ZRANB1: variants seen among roughly 807,000 people sequenced by gnomAD.
ZRANB1 encodes the protein zinc finger RANBP2-type containing 1.
Under a neutral mutation model 80.5 loss-of-function variants are expected in ZRANB1, and 16 were observed. The ratio of observed to expected loss-of-function variants is 0.20; its 90% CI spans 0.13 to 0.30. The LOEUF (loss-of-function observed/expected upper bound fraction) is 0.30. ZRANB1 is among the 10% of genes least tolerant of loss of function. ZRANB1 has a pLI of 1.00. For synonymous variants in ZRANB1, 291 were observed against 293.1 expected (o/e 0.99, Z 0.07); for missense variants, 576 against 862.6 (o/e 0.67, Z 4.16).
At chr10:124,958,031 G>T (rs1324184092) in intron 1 of ZRANB1, among the ~76,000 whole-genome samples, 2 of 152,180 alleles carry the variant, frequency 1.3e-5, no homozygotes, top group East Asian at 3.8e-4. Flanking sequence ...CGCCTAGCCA[G>T]AATTTCCTTC....
At chr10:124,964,583 A>G (rs542919785) in intron 1 of ZRANB1, among the ~76,000 whole-genome samples, 21 of 152,310 alleles carry the variant, frequency 1.4e-4, no homozygotes, top group Admixed American at 5.9e-4. Context: ...ACACCTACAT[A>G]CATGCATACA....
the ZRANB1 span, among the ~76,000 whole-genome samples, chr10:124,927,177 G>A: frequency 6.6e-6 from 1 of 151,968 alleles, no homozygotes; most frequent in Non-Finnish European, 1.5e-5. Context: ...GAATGGTCTC[G>A]ATCTCCTGAT....
chr10:124,961,435 C>T (rs982027614), intron 1 of ZRANB1, among the ~76,000 whole-genome samples: 1 of 152,256 alleles, frequency 6.6e-6, no homozygotes, highest in African/African-American at 2.4e-5. Context: ...CATCTCTGAT[C>T]ACTTGTCCCA....
intron 5 of ZRANB1, among the ~76,000 whole-genome samples, chr10:124,975,656 C>T (rs1210160138): frequency 6.6e-6 from 1 of 152,184 alleles, no homozygotes; most frequent in Admixed American, 6.5e-5. Context: ...GCATGAGCCA[C>T]CGTGCCCGGC....
chr10:124,969,630 T>C (rs1951804696), intron 2 of ZRANB1, among the ~76,000 whole-genome samples: 1 of 152,076 alleles, frequency 6.6e-6, no homozygotes. Flanking sequence ...AAGAAGTAAA[T>C]GAGATTACAA....
At chr10:124,960,032 T>C (rs1474978292) in intron 1 of ZRANB1, among the ~76,000 whole-genome samples, 5 of 152,190 alleles carry the variant, frequency 3.3e-5, no homozygotes, top group Non-Finnish European at 7.3e-5. Flanking sequence ...GATTTTTGGT[T>C]TGGACATCTG....
chr10:124,979,265 T>C (rs1038459923), intron 5 of ZRANB1, among the ~76,000 whole-genome samples: 4 of 152,212 alleles, frequency 2.6e-5, no homozygotes, highest in Admixed American at 6.5e-5. Flanking sequence ...TGATTTTGAT[T>C]TGCATTTCCC....
chr10:124,919,914 C>A, the ZRANB1 span, among the ~76,000 whole-genome samples: 112 of 117,548 alleles, frequency 9.5e-4, 1 homozygote, highest in Non-Finnish European at 1.6e-3. Context: ...CCCGGCCCCC[C>A]CCCCCCCTTT....
chr10:124,926,755 G>C, the ZRANB1 span, among the ~76,000 whole-genome samples: 1 of 152,082 alleles, frequency 6.6e-6, no homozygotes, highest in Non-Finnish European at 1.5e-5. Context: ...GCTACACATA[G>C]CTAGACTGCC....
At chr10:124,938,754 T>C (rs1026028193), upstream of ZRANB1, among the ~76,000 whole-genome samples, 2 of 151,834 alleles carry the variant, frequency 1.3e-5, no homozygotes, top group African/African-American at 4.8e-5. Context: ...CATCCCAGGC[T>C]GAAGCACAGT....
the ZRANB1 span, among the ~76,000 whole-genome samples, chr10:124,923,097 G>A: frequency 6.6e-6 from 1 of 151,670 alleles, no homozygotes; most frequent in Admixed American, 6.6e-5. Context: ...GACCATCCTG[G>A]CCAACATGGT....
Position 124,983,353 on chromosome 10 carries a change from C to T in ZRANB1, c.1678+49C>T. 6.2e-7 allele frequency: 1 copy of T among 1,605,738 alleles called. No individual in the cohort carries two copies. Among genetic ancestry groups the T allele is most frequent in the Non-Finnish European group, 8.5e-7 (1 of 1,175,020 alleles). On this transcript the variant is annotated intron_variant, in intron 7 of 8. Coordinates refer to ENST00000359653, the MANE Select transcript of ZRANB1 (RefSeq NM_017580.3). This position sits in a 1 kb window ranked among gnomAD's most constrained non-coding sequence, Gnocchi z 6.2. ...TTACAAGTTTCTTTGAACGGAATGG[C>T]TCAGATGTCAGGAAGGAGCAGTGGA... is the stretch of plus-strand genomic sequence containing the variant.
the ZRANB1 span, among the ~76,000 whole-genome samples, chr10:124,923,288 A>G: frequency 6.7e-6 from 1 of 149,654 alleles, no homozygotes; most frequent in African/African-American, 2.5e-5. Context: ...AAAAACAAAC[A>G]AACAAAAAAA....
chr10:124,930,304 C>T, the ZRANB1 span, among the ~76,000 whole-genome samples: 1 of 152,160 alleles, frequency 6.6e-6, no homozygotes, highest in South Asian at 2.1e-4. Flanking sequence ...CTCACTCTGT[C>T]GCCCAGGCTG....
chr10:124,950,916 C>T (rs1039929093), intron 1 of ZRANB1, among the ~76,000 whole-genome samples: 2 of 152,122 alleles, frequency 1.3e-5, no homozygotes, highest in African/African-American at 4.8e-5. Context: ...CAGGCTGCAG[C>T]GGGCCATGAT....
chr10:124,917,325 C>T, the ZRANB1 span: 5 of 150,606 alleles, frequency 3.3e-5, no homozygotes, highest in African/African-American at 1.2e-4. Context: ...CCCTCGCTCC[C>T]AGGCGGCGCC....
Position 124,942,627 on chromosome 10 carries a change from G to A in ZRANB1, c.134G>A (p.Gly45Asp). The change falls in exon 1 of 9, where the codon GGT becomes GAT. Residue 45 changes from glycine (G) to aspartate (D), a missense_variant. Transcript: ENST00000359653. Reference protein sequence around the residue: ...TIITEDPFKSGSSDVGRDWDP... With the variant: ...TIITEDPFKSDSSDVGRDWDP... ...ATTACAGAAGATCCATTTAAAAGTG[G>A]TTCAAGTGATGTTGGTAGAGATTGG... 1 of 1,614,204 alleles carries A rather than the reference G, an allele frequency of 6.2e-7. No homozygotes were observed. The highest frequency in any genetic ancestry group is 1.1e-5 in the South Asian group (1 of 91,080).
At chr10:124,954,033 C>T (rs983322006) in intron 1 of ZRANB1, among the ~76,000 whole-genome samples, 24 of 149,206 alleles carry the variant, frequency 1.6e-4, no homozygotes, top group Admixed American at 4.0e-4. Flanking sequence ...TGGCGTTGAT[C>T]ACAGCTCACT....
In ZRANB1 at chr10:124,987,042, G is replaced by T. The variant is rs1952065471; in HGVS notation, c.*2050G>T. ...GTGCAGCATTCTTCCCTGTGGGAAA[G>T]AATTAAAGATGGTTCCATTTCCTAG... is the stretch of plus-strand genomic sequence containing the variant. On this transcript the variant is annotated 3_prime_UTR_variant, in exon 9 of 9. Transcript: ENST00000359653. 1 of 152,600 alleles carries T rather than the reference G, an allele frequency of 6.6e-6. No homozygotes were observed. Among genetic ancestry groups the T allele is most frequent in the African/African-American group, 2.4e-5 (1 of 41,430 alleles). 9.5% of individuals were successfully genotyped at this position (152,600 alleles called of 1,614,324 possible). A position where few individuals can be genotyped will look rare whatever the true frequency, so the allele number is the denominator to read the frequency against.
Sources: allele counts gnomAD v4.1 joint callset (sites outside exome capture counted in the v4.1 genomes callset), GRCh38; gene constraint gnomAD v4.1.1; non-coding constraint Gnocchi (gnomAD v3.1); transcripts MANE v1.5; gene names NCBI Gene and HGNC (gene_info 2026-07-23, HGNC 2026-07-21).